Variants in NTPCR observed in about 807,000 individuals in gnomAD.
NTPCR encodes cancer-related nucleoside-triphosphatase.
A neutral mutation model predicts 19.5 loss-of-function variants in NTPCR; 15 were observed. That is an observed-to-expected ratio of 0.77 (90% CI 0.51 to 1.18). The LOEUF (loss-of-function observed/expected upper bound fraction) is 1.18, where lower values mean the gene tolerates loss of function less well. Among genes scored for constraint, NTPCR ranks in the 50% most tolerant of loss-of-function variants. The pLI, the probability that NTPCR is intolerant of heterozygous loss-of-function variation, is 0.00. For synonymous variants in NTPCR, 90 were observed against 95.8 expected, an observed-to-expected ratio of 0.94 and a Z score of 0.36; for missense variants, 206 against 240.4, an observed-to-expected ratio of 0.86 and a Z score of 0.95.
chr1:232,971,002 T>C (rs1227946585), intron 4 of NTPCR, among the ~76,000 whole-genome samples: 2 of 152,242 alleles, frequency 1.3e-5, no homozygotes, highest in South Asian at 4.1e-4. Context: ...GAAGCACTGC[T>C]GTAGACCACA....
At position 232,983,768 on chromosome 1, in the gene NTPCR, T is replaced by G. The variant is rs910960590; in HGVS notation, c.*5537T>G. 6.6e-6 allele frequency: 1 copy of G among 152,142 alleles called. No homozygotes were observed. Among genetic ancestry groups the G allele is most frequent in the African/African-American group, 2.4e-5 (1 of 41,420 alleles). 9.4% of individuals were successfully genotyped at this position (152,142 alleles called of 1,614,324 possible). A position where few individuals can be genotyped will look rare whatever the true frequency, so the allele number is the denominator to read the frequency against. Reference sequence around the variant, plus strand: ...GCATAAATATTATAAAGAAATAGGGTTTTCTTGACACTTAGATTTAACCTT... The same window carrying G: ...GCATAAATATTATAAAGAAATAGGGGTTTCTTGACACTTAGATTTAACCTT... On this transcript the variant is annotated 3_prime_UTR_variant, in exon 5 of 5. Coordinates refer to ENST00000366628, the MANE Select transcript of NTPCR (RefSeq NM_032324.3).
intron 1 of NTPCR, among the ~76,000 whole-genome samples, chr1:232,954,818 G>A (rs547736610): frequency 6.6e-6 from 1 of 152,302 alleles, no homozygotes; most frequent in Admixed American, 6.5e-5. Flanking sequence ...GTTCATCAGA[G>A]TAGTCAGCTG....
chr1:232,953,763 A>G (rs1380649528), intron 1 of NTPCR, among the ~76,000 whole-genome samples: 1 of 151,982 alleles, frequency 6.6e-6, no homozygotes, highest in East Asian at 1.9e-4. Flanking sequence ...AACATAATGG[A>G]ATGGTTTCTG....
intron 3 of NTPCR, chr1:232,961,843 C>G (rs1231172619): frequency 1.3e-5 from 2 of 152,046 alleles, no homozygotes; most frequent in African/African-American, 4.8e-5. Flanking sequence ...TTAAATAACC[C>G]ATTTCTAATT....
intron 4 of NTPCR, 86 bp from the exon 5 acceptor site, chr1:232,978,077 A>G: frequency 8.7e-7 from 1 of 1,151,130 alleles, no homozygotes; most frequent in East Asian, 2.4e-5. Context: ...CCAGCCTTCC[A>G]GGCGTTTCTT....
At chr1:232,976,354 G>A (rs1458909179) in intron 4 of NTPCR, 2 of 1,545,186 alleles carry the variant, frequency 1.3e-6, no homozygotes, top group Admixed American at 4.1e-5. Context: ...ACCGTACTGT[G>A]TCATAGAAGA....
chr1:232,969,800 A>G (rs1357568885), intron 3 of NTPCR, 109 bp from the exon 4 acceptor site: 1 of 890,366 alleles, frequency 1.1e-6, no homozygotes, highest in Non-Finnish European at 1.8e-6. Flanking sequence ...ATCCAGTAAA[A>G]AGGTTTCTGT....
rs1470155338 is a variant in NTPCR at position 232,955,553 on chromosome 1, T to TTTTTA, written c.35-3_35-2insTTTAT. The TTTTTA allele has an allele frequency of 6.5e-7, 1 of 1,534,868 alleles. No homozygotes were observed. Among genetic ancestry groups the TTTTTA allele is most frequent in the Admixed American group, 2.4e-5 (1 of 42,146 alleles). ...TTCTTTTTTTTTTTTTTTTTTTATTTTAGGAGTTGGAAAAACAACATTGAT... is the reference window on the plus strand; with the variant it reads ...TTCTTTTTTTTTTTTTTTTTTTATTTTTTTATAGGAGTTGGAAAAACAACATTGAT... On this transcript the variant is annotated splice_region_variant and splice_polypyrimidine_tract_variant and intron_variant, in intron 1 of 4. Transcript: ENST00000366628.
intron 1 of NTPCR, among the ~76,000 whole-genome samples, chr1:232,954,884 C>T (rs1385640539): frequency 1.3e-5 from 2 of 151,766 alleles, no homozygotes; most frequent in Non-Finnish European, 2.9e-5. Context: ...GGCAGAGGTA[C>T]ATAGGTTCAA....
At chr1:232,975,411 G>C (rs934084462) in intron 4 of NTPCR, among the ~76,000 whole-genome samples, 5 of 152,202 alleles carry the variant, frequency 3.3e-5, no homozygotes, top group Admixed American at 3.3e-4. Flanking sequence ...TGCAGTACCA[G>C]ATACTGGGTC....
intron 3 of NTPCR, among the ~76,000 whole-genome samples, chr1:232,958,356 A>T (rs879903233): frequency 2.6e-5 from 4 of 152,220 alleles, no homozygotes; most frequent in Admixed American, 1.3e-4. Flanking sequence ...TGCCAGGCTG[A>T]GGCCCTTGGC....
chr1:232,978,258 A>G lies in NTPCR; in HGVS notation c.*27A>G, dbSNP rs1669199485. On this transcript the variant is annotated 3_prime_UTR_variant, in exon 5 of 5. Transcript: ENST00000366628. The stretch of plus-strand genomic sequence containing the variant: ...GACACGTGCATTCCTGCCTTCCGTG[A>G]AGGAGTGCCCAGTTCAAGAGGAGCC... 6.2e-7 allele frequency: 1 copy of G among 1,603,542 alleles called. No individual in the cohort carries two copies. Among genetic ancestry groups the G allele is most frequent in the South Asian group, 1.1e-5 (1 of 90,490 alleles).
intron 4 of NTPCR, 123 bp from the exon 5 acceptor site, chr1:232,978,039 TG>T: frequency 1.4e-6 from 1 of 706,334 alleles, no homozygotes; most frequent in Non-Finnish European, 2.4e-6. Flanking sequence ...GCCTCCTGCC[TG>T]GGTAACAAAA....
In NTPCR at chr1:232,981,310, A is replaced by G. The variant is rs1669273709; in HGVS notation, c.*3079A>G. The G allele has an allele frequency of 6.6e-6, 1 of 152,164 alleles. No homozygotes were observed. The allele number at this position is 152,164 out of a possible 1,614,324, so 9.4% of individuals were successfully genotyped here. A position where few individuals can be genotyped will look rare whatever the true frequency, so the allele number is the denominator to read the frequency against. ...GCACTCAGTTCCCAGCCCTCCAGTT[A>G]TCAAGGGGGTGGGAACGCTGGTGGG... is the stretch of plus-strand genomic sequence containing the variant. On this transcript the variant is annotated 3_prime_UTR_variant, in exon 5 of 5. Transcript: ENST00000366628.
chr1:232,967,641 C>T (rs932577457), intron 3 of NTPCR: 4 of 152,298 alleles, frequency 2.6e-5, no homozygotes, highest in South Asian at 2.1e-4. Context: ...CACATGGCCA[C>T]GTGCATTTTA....
intron 1 of NTPCR, among the ~76,000 whole-genome samples, chr1:232,953,614 A>G (rs988779731): frequency 6.6e-6 from 1 of 152,192 alleles, no homozygotes; most frequent in Non-Finnish European, 1.5e-5. Context: ...AGAATTAAAA[A>G]AAACAAGAAA....
rs754606170 is a variant in NTPCR at position 232,969,912 on chromosome 1, G to T, written c.298G>T (p.Asp100Tyr). 1.9e-6 allele frequency: 3 copies of T among 1,613,630 alleles called. No homozygotes were observed. In the South Asian group the frequency reaches 3.3e-5, roughly 18 times the overall value. ...QLALPVLRNA[D>Y]CSSGPGQRVC... ...TGAAAGTCTTTGTCATTCTCAGGCCGACTGCAGCAGTGGCCCAGGGCAAAG... is the reference window on the plus strand; with the variant it reads ...TGAAAGTCTTTGTCATTCTCAGGCCTACTGCAGCAGTGGCCCAGGGCAAAG... Residue 100 changes from aspartate (D) to tyrosine (Y), a missense_variant, in exon 4 of 5, where the codon GAC (aspartate) becomes TAC (tyrosine). Transcript: ENST00000366628.
In NTPCR at chr1:232,969,929, A is replaced by G. The variant is rs1466017149; in HGVS notation, c.315A>G (p.Pro105=). ...CTCAGGCCGACTGCAGCAGTGGCCCAGGGCAAAGAGTGTGCGTCATCGATG... is the reference window on the plus strand; with the variant it reads ...CTCAGGCCGACTGCAGCAGTGGCCCGGGGCAAAGAGTGTGCGTCATCGATG... ...VLRNADCSSG[P]GQRVCVIDEI... is the part of the protein sequence containing the mutation. Residue 105 remains proline (P), a synonymous_variant, in exon 4 of 5, where the codon CCA becomes CCG. Transcript: ENST00000366628. The G allele has an allele frequency of 1.2e-6, 2 of 1,614,136 alleles. No individual in the cohort carries two copies. Among genetic ancestry groups the G allele is most frequent in the Admixed American group, 3.3e-5 (2 of 60,034 alleles).
At chr1:232,968,688 A>G (rs1372674887) in intron 3 of NTPCR, 1 of 152,264 alleles carries the variant, frequency 6.6e-6, no homozygotes, top group Non-Finnish European at 1.5e-5. Flanking sequence ...TGGAATTTGA[A>G]CAAAATCTAG....
Sources: allele counts gnomAD v4.1 joint callset (sites outside exome capture counted in the v4.1 genomes callset), GRCh38; gene constraint gnomAD v4.1.1; transcripts MANE v1.5; gene names NCBI Gene and HGNC (gene_info 2026-07-23, HGNC 2026-07-21).